Variants in EXOC6B observed in about 807,000 individuals in gnomAD.
The protein encoded by EXOC6B is exocyst complex component 6B.
Under a neutral mutation model 113.5 loss-of-function variants are expected in EXOC6B, and 54 were observed. The observed-to-expected ratio is 0.48, with a 90% CI of 0.38 to 0.60. EXOC6B has a LOEUF of 0.60. EXOC6B is among the 20% of genes least tolerant of loss of function. The pLI, the probability that EXOC6B is intolerant of heterozygous loss-of-function variation, is 0.00. For missense variants in EXOC6B, 797 were observed against 977.5 expected (o/e 0.82, Z 2.46); for synonymous variants, 357 against 339.0 (o/e 1.05, Z -0.58).
In EXOC6B at chr2:72,657,078, C is replaced by T. The variant is rs200652586; in HGVS notation, c.669+61025G>A. ...GTTGGTCAGGCTGATCTTGAACTCC[C>T]GACCTCAGGTGATCCGACCGCCTTG... On this transcript the variant is annotated intron_variant, in intron 6 of 21. Coordinates refer to ENST00000272427, the MANE Select transcript of EXOC6B (RefSeq NM_015189.3). Among the ~76,000 whole-genome samples, 8 of 152,016 alleles carry T rather than the reference C, an allele frequency of 5.3e-5. No homozygotes were observed. The East Asian group carries it at 7.8e-4, about 15-fold the overall frequency.
In EXOC6B at chr2:72,303,238, T is replaced by C. The variant is rs559348326; in HGVS notation, c.2196+31709A>G. 3.9e-5 allele frequency among the ~76,000 whole-genome samples: 6 copies of C among 152,128 alleles called. No homozygotes were observed. In the East Asian group the frequency reaches 1.2e-3, roughly 29 times the overall value. On this transcript the variant is annotated intron_variant, in intron 20 of 21. Coordinates refer to ENST00000272427, the MANE Select transcript of EXOC6B (RefSeq NM_015189.3). ...GTAGATGACCTGCCCTTTCTCTCTG[T>C]CTTTCAGGGGCTCTCTGTGTTTCCT...
At chr2:72,207,885 C>A (rs1416439167) in intron 20 of EXOC6B, among the ~76,000 whole-genome samples, 3 of 152,122 alleles carry the variant, frequency 2.0e-5, no homozygotes, top group African/African-American at 7.2e-5. Flanking sequence ...ATCCCTGGAA[C>A]ACCTTAGAAG....
intron 11 of EXOC6B, among the ~76,000 whole-genome samples, chr2:72,512,406 AGG>A (rs1303893137): frequency 4.4e-5 from 6 of 135,928 alleles, no homozygotes; most frequent in African/African-American, 1.5e-4. Context: ...GAAGGAAGGA[AGG>A]AAGGAAGGAA....
At chr2:72,201,278 T>C (rs530067059) in intron 20 of EXOC6B, among the ~76,000 whole-genome samples, 1 of 152,350 alleles carries the variant, frequency 6.6e-6, no homozygotes, top group Non-Finnish European at 1.5e-5. Flanking sequence ...TACTACAATG[T>C]ATTCATCAAT....
intron 6 of EXOC6B, among the ~76,000 whole-genome samples, chr2:72,578,924 A>C (rs1347245817): frequency 6.6e-6 from 1 of 152,184 alleles, no homozygotes; most frequent in African/African-American, 2.4e-5. Flanking sequence ...TATATAAAGC[A>C]GTTTCAATGT....
intron 8 of EXOC6B, among the ~76,000 whole-genome samples, chr2:72,518,979 C>T (rs146447297): frequency 6.6e-6 from 1 of 152,230 alleles, no homozygotes; most frequent in Non-Finnish European, 1.5e-5. Context: ...ACCTGGGTAA[C>T]TGGTTTGACA....
At chr2:72,549,426 A>G (rs1181603456) in intron 8 of EXOC6B, among the ~76,000 whole-genome samples, 1 of 152,192 alleles carries the variant, frequency 6.6e-6, no homozygotes, top group Non-Finnish European at 1.5e-5. Flanking sequence ...AAAAGATGAG[A>G]TGGAGTAAAA....
At chr2:72,276,063 A>C (rs755445708) in intron 20 of EXOC6B, among the ~76,000 whole-genome samples, 8 of 152,054 alleles carry the variant, frequency 5.3e-5, no homozygotes, top group Non-Finnish European at 8.8e-5. Flanking sequence ...GAGATAGAGG[A>C]GGGTGGAAAA....
chr2:72,380,151 T>A (rs1488311070), intron 18 of EXOC6B, among the ~76,000 whole-genome samples: 1 of 152,180 alleles, frequency 6.6e-6, no homozygotes. Flanking sequence ...TAAATTGACA[T>A]CAAACAATAT....
At chr2:72,193,729 G>T (rs924236817) in intron 20 of EXOC6B, among the ~76,000 whole-genome samples, 5 of 152,136 alleles carry the variant, frequency 3.3e-5, no homozygotes. Flanking sequence ...CAAGGAATCT[G>T]ACATGGCTAG....
intron 8 of EXOC6B, among the ~76,000 whole-genome samples, chr2:72,550,934 T>TTTTTTA (rs1213291562): frequency 6.6e-6 from 1 of 151,052 alleles, no homozygotes; most frequent in African/African-American, 2.4e-5. Context: ...TTTTTTTTTT[T>TTTTTTA]TTGAGACGGA....
chr2:72,496,117 A>G (rs527245178), intron 14 of EXOC6B, among the ~76,000 whole-genome samples: 3 of 152,246 alleles, frequency 2.0e-5, no homozygotes, highest in Middle Eastern at 3.4e-3. Flanking sequence ...TGTTGTGGGG[A>G]AAAAATGTCT....
At chr2:72,534,786 T>C (rs1702191556) in intron 8 of EXOC6B, among the ~76,000 whole-genome samples, 1 of 152,190 alleles carries the variant, frequency 6.6e-6, no homozygotes, top group East Asian at 1.9e-4. Context: ...CTGAGAACAA[T>C]GCAATTGTTT....
chr2:72,475,771 A>T (rs1458147151), intron 17 of EXOC6B, among the ~76,000 whole-genome samples: 1 of 152,148 alleles, frequency 6.6e-6, no homozygotes, highest in Non-Finnish European at 1.5e-5. Flanking sequence ...TTAGGTCAGC[A>T]GGTGGAAAAC....
At chr2:72,697,391 A>C (rs559393996) in intron 6 of EXOC6B, among the ~76,000 whole-genome samples, 1 of 152,276 alleles carries the variant, frequency 6.6e-6, no homozygotes, top group Admixed American at 6.5e-5. Flanking sequence ...GCTGAAAAAA[A>C]AGAATCTCTT....
At chr2:72,599,314 C>T (rs1670261549) in intron 6 of EXOC6B, among the ~76,000 whole-genome samples, 1 of 151,838 alleles carries the variant, frequency 6.6e-6, no homozygotes, top group Non-Finnish European at 1.5e-5. Flanking sequence ...AAGATCATAT[C>T]AAAAAACAAA....
intron 1 of EXOC6B, among the ~76,000 whole-genome samples, chr2:72,795,182 G>C (rs1311362596): frequency 6.6e-6 from 1 of 152,182 alleles, no homozygotes; most frequent in African/African-American, 2.4e-5. Flanking sequence ...CCAGAGGTTA[G>C]GCCAGGGCTA....
intron 1 of EXOC6B, among the ~76,000 whole-genome samples, chr2:72,767,578 G>T (rs931794196): frequency 6.6e-6 from 1 of 151,516 alleles, no homozygotes; most frequent in African/African-American, 2.4e-5. Flanking sequence ...GGGAGGCGAG[G>T]CCGGCGGATT....
At chr2:72,818,902 C>T (rs529132085) in intron 1 of EXOC6B, among the ~76,000 whole-genome samples, 26 of 152,258 alleles carry the variant, frequency 1.7e-4, no homozygotes, top group Non-Finnish European at 3.2e-4. Flanking sequence ...GCTACCTTTC[C>T]TAATCCCCTA....
Sources: allele counts gnomAD v4.1 joint callset (sites outside exome capture counted in the v4.1 genomes callset), GRCh38; gene constraint gnomAD v4.1.1; transcripts MANE v1.5; gene names NCBI Gene and HGNC (gene_info 2026-07-23, HGNC 2026-07-21).